The following MAGI1 variants were observed in gnomAD, a reference collection of about 807,000 sequenced individuals.
MAGI1 encodes the protein membrane associated guanylate kinase, WW and PDZ domain containing 1, also known as membrane-associated guanylate kinase, WW and PDZ domain-containing protein 1.
MAGI1 carries 58 observed loss-of-function variants against 139.9 expected under a neutral mutation model. That is an observed-to-expected ratio of 0.41 (90% CI 0.34 to 0.52). MAGI1 has a LOEUF of 0.52. MAGI1 is among the 20% of genes least tolerant of loss of function. The pLI is 0.12. For synonymous variants in MAGI1, 812 were observed against 737.9 expected (o/e 1.10, Z -1.63); for missense variants, 1,874 against 1,901.6 (o/e 0.99, Z 0.27).
At chr3:65,523,889 G>A (rs191510978) in intron 2 of MAGI1, among the ~76,000 whole-genome samples, 28 of 152,220 alleles carry the variant, frequency 1.8e-4, no homozygotes, top group Admixed American at 3.3e-4. Flanking sequence ...GAGAGTGCAC[G>A]CTACAGAAGA....
At chr3:65,374,313 C>CTTTTTTTT (rs3072933) in intron 18 of MAGI1, among the ~76,000 whole-genome samples, 32 of 95,098 alleles carry the variant, frequency 3.4e-4, no homozygotes, top group Admixed American at 4.4e-4. Flanking sequence ...ATCAACTTAA[C>CTTTTTTTT]TTTTTTTTTT....
At chr3:65,894,865 G>A (rs2060908661) in intron 1 of MAGI1, among the ~76,000 whole-genome samples, 1 of 152,182 alleles carries the variant, frequency 6.6e-6, no homozygotes, top group African/African-American at 2.4e-5. Context: ...CATCTTTATT[G>A]CCGGCTGAGG....
At chr3:65,932,587 A>C (rs2062854527) in intron 1 of MAGI1, among the ~76,000 whole-genome samples, 1 of 152,164 alleles carries the variant, frequency 6.6e-6, no homozygotes, top group South Asian at 2.1e-4. Flanking sequence ...TGCCTTAGGC[A>C]TCGGCACCTA....
intron 1 of MAGI1, among the ~76,000 whole-genome samples, chr3:65,704,471 C>T (rs2089823537): frequency 6.6e-6 from 1 of 152,164 alleles, no homozygotes; most frequent in African/African-American, 2.4e-5. Context: ...GGTTTCTAGA[C>T]ATTACCACTT....
chr3:65,921,857 G>A (rs991074817), intron 1 of MAGI1, among the ~76,000 whole-genome samples: 2 of 151,424 alleles, frequency 1.3e-5, no homozygotes, highest in Non-Finnish European at 2.9e-5. Context: ...AGTGAGCCAC[G>A]ATGGCGCCAC....
At chr3:65,934,195 G>C (rs567289579) in intron 1 of MAGI1, among the ~76,000 whole-genome samples, 1 of 151,796 alleles carries the variant, frequency 6.6e-6, no homozygotes, top group African/African-American at 2.4e-5. Flanking sequence ...ACCAAGATGT[G>C]CACAAGAATA....
chr3:65,438,959 C>T lies in MAGI1; in HGVS notation c.1270+920G>A, dbSNP rs1449198608. 7.2e-5 allele frequency among the ~76,000 whole-genome samples: 11 copies of T among 152,256 alleles called. No individual in the cohort carries two copies. In the South Asian group the frequency reaches 2.1e-3, roughly 29 times the overall value. On this transcript the variant is annotated intron_variant, in intron 9 of 22. Coordinates refer to ENST00000402939, the MANE Select transcript of MAGI1 (RefSeq NM_001033057.2). ...GCTGTTTAGAGAAAAAGTTTGCCAA[C>T]CTGTAGTCTATGGTTTACATTTGTT...
chr3:65,446,550 G>A (rs1948685591), intron 7 of MAGI1, among the ~76,000 whole-genome samples: 1 of 75,336 alleles, frequency 1.3e-5, no homozygotes, highest in African/African-American at 5.7e-5. Flanking sequence ...TTGTGCTCCT[G>A]TACACAGCTG....
intron 1 of MAGI1, among the ~76,000 whole-genome samples, chr3:65,818,765 C>G (rs1475104677): frequency 6.6e-6 from 1 of 152,030 alleles, no homozygotes; most frequent in Non-Finnish European, 1.5e-5. Context: ...CACGAGGGCA[C>G]CAGATTTGAG....
chr3:65,778,161 G>C (rs1335758079), intron 1 of MAGI1, among the ~76,000 whole-genome samples: 1 of 152,092 alleles, frequency 6.6e-6, no homozygotes, highest in Non-Finnish European at 1.5e-5. Context: ...CAGGTGCAGT[G>C]ACTCACGCCT....
intron 1 of MAGI1, among the ~76,000 whole-genome samples, chr3:66,032,377 A>ATTTTT (rs781376605): frequency 1.6e-4 from 21 of 128,708 alleles, no homozygotes; most frequent in South Asian, 2.4e-4. Flanking sequence ...CGCCCGGCTA[A>ATTTTT]TTTTTTTGTT....
chr3:65,643,070 C>T (rs2085067625), intron 1 of MAGI1, among the ~76,000 whole-genome samples: 1 of 152,168 alleles, frequency 6.6e-6, no homozygotes, highest in African/African-American at 2.4e-5. Context: ...CATTTGGCAC[C>T]TCCAGTAAAC....
At chr3:66,023,320 T>C (rs2068060127) in intron 1 of MAGI1, among the ~76,000 whole-genome samples, 1 of 152,160 alleles carries the variant, frequency 6.6e-6, no homozygotes, top group South Asian at 2.1e-4. Context: ...AACCCTGCAT[T>C]GGACTTTTGC....
intron 2 of MAGI1, among the ~76,000 whole-genome samples, chr3:65,585,630 T>C (rs948975708): frequency 1.1e-4 from 17 of 152,186 alleles, no homozygotes; most frequent in Admixed American, 1.1e-3. Context: ...AAGTTGGACA[T>C]ATATGTGCCA....
Position 65,379,285 on chromosome 3 carries a change from T to G in MAGI1, c.2971A>C (p.Arg991=). 6.2e-7 allele frequency: 1 copy of G among 1,613,012 alleles called. No individual in the cohort carries two copies. Among genetic ancestry groups the G allele is most frequent in the Non-Finnish European group, 8.5e-7 (1 of 1,179,500 alleles). ...CCAAAGGTCGTGCCTGCTTCGGGCC[T>G]GCTCACCGAGGACACGATGACGAAG... The part of the protein sequence containing the change: ...FGFVIVSSVS[R]PEAGTTFGNA... The change falls in exon 17 of 23, where the codon AGG becomes CGG. Residue 991 remains arginine (R), a synonymous_variant. Transcript: ENST00000402939.
chr3:65,834,490 T>C (rs1395016008), intron 1 of MAGI1, among the ~76,000 whole-genome samples: 1 of 152,238 alleles, frequency 6.6e-6, no homozygotes, highest in Non-Finnish European at 1.5e-5. Flanking sequence ...TTTGTGTTAC[T>C]GCTCACGATA....
Position 65,621,973 on chromosome 3 carries a change from A to G in MAGI1, c.429T>C (p.Pro143=). ...AGATGCCAAAGTCCAACTACTTACA[A>G]GGCACAGCATGGCGGTAAAGGTTAT... ...IRDNLYRHAV[P]CTTRSPREGE... The change falls in exon 2 of 23, where the codon CCT becomes CCC. Residue 143 remains proline (P), a splice_region_variant and synonymous_variant. Coordinates refer to ENST00000402939, the MANE Select transcript of MAGI1 (RefSeq NM_001033057.2). 5 of 1,606,838 alleles carry G rather than the reference A, an allele frequency of 3.1e-6. No homozygotes were observed. The highest frequency in any genetic ancestry group is 3.4e-6 in the Non-Finnish European group (4 of 1,174,140).
intron 1 of MAGI1, among the ~76,000 whole-genome samples, chr3:65,918,482 G>A (rs910024371): frequency 1.3e-5 from 2 of 149,018 alleles, no homozygotes; most frequent in South Asian, 2.1e-4. Flanking sequence ...CCAGGTTCAA[G>A]CAATTCTCCT....
At chr3:65,802,101 T>C (rs1393993826) in intron 1 of MAGI1, among the ~76,000 whole-genome samples, 1 of 152,080 alleles carries the variant, frequency 6.6e-6, no homozygotes, top group Non-Finnish European at 1.5e-5. Flanking sequence ...CCTGGAAAAT[T>C]TGACTTCCAT....
Sources: allele counts gnomAD v4.1 joint callset (sites outside exome capture counted in the v4.1 genomes callset), GRCh38; gene constraint gnomAD v4.1.1; transcripts MANE v1.5; gene names NCBI Gene and HGNC (gene_info 2026-07-23, HGNC 2026-07-21).